The following FRMD3 variants were observed in gnomAD, a reference collection of about 807,000 sequenced individuals.
FRMD3 encodes FERM domain-containing protein 3.
FRMD3 carries 33 observed loss-of-function variants against 70.2 expected under a neutral mutation model. The observed-to-expected ratio is 0.47, with a 90% CI of 0.36 to 0.63. The LOEUF is 0.63. Among genes scored for constraint, FRMD3 ranks in the 20% least tolerant of loss-of-function variants. The pLI is 0.00. For synonymous variants in FRMD3, 279 were observed against 255.9 expected (o/e 1.09, Z -0.86); for missense variants, 632 against 711.4 (o/e 0.89, Z 1.27).
At position 83,538,073 on chromosome 9, in the gene FRMD3, T is replaced by C; in HGVS notation, c.147+12A>G. 1.2e-6 allele frequency: 2 copies of C among 1,611,048 alleles called. No homozygotes were observed. The highest frequency in any genetic ancestry group is 1.7e-6 in the Non-Finnish European group (2 of 1,177,968). On this transcript the variant is annotated intron_variant, in intron 1 of 13. Coordinates refer to ENST00000304195, the MANE Select transcript of FRMD3 (RefSeq NM_174938.6). This position sits in a 1 kb window ranked among gnomAD's most constrained non-coding sequence, Gnocchi z 4.7. The stretch of plus-strand genomic sequence containing the variant: ...GCGTGTGCCCCGCGCCCTCGCCCGG[T>C]TCCACGCGCACCTGGATGTGGCAGG...
chr9:83,260,619 C>T (rs372808706), intron 13 of FRMD3, among the ~76,000 whole-genome samples: 9 of 152,138 alleles, frequency 5.9e-5, no homozygotes, highest in African/African-American at 2.2e-4. Context: ...TATAAGTAAG[C>T]TCTCCTGTGA....
At chr9:83,331,362 T>A (rs1488254452) in intron 6 of FRMD3, among the ~76,000 whole-genome samples, 2 of 152,180 alleles carry the variant, frequency 1.3e-5, no homozygotes, top group Non-Finnish European at 2.9e-5. Context: ...AGACTACACA[T>A]TGTATGATTC....
chr9:83,515,409 C>T (rs1456366136), intron 1 of FRMD3, among the ~76,000 whole-genome samples: 1 of 151,774 alleles, frequency 6.6e-6, no homozygotes, highest in East Asian at 1.9e-4. Flanking sequence ...AGCATGAAGA[C>T]AAGATTAGAG....
At chr9:83,270,843 A>ATTTT (rs36067089) in intron 13 of FRMD3, among the ~76,000 whole-genome samples, 8 of 143,730 alleles carry the variant, frequency 5.6e-5, no homozygotes, top group Non-Finnish European at 9.2e-5. Flanking sequence ...ATACATGGTC[A>ATTTT]TTTTTTTTTT....
chr9:83,415,106 AG>A (rs1471642662), intron 1 of FRMD3, among the ~76,000 whole-genome samples: 2 of 152,172 alleles, frequency 1.3e-5, no homozygotes, highest in Non-Finnish European at 2.9e-5. Flanking sequence ...TCACTGGGCC[AG>A]GAATAAAATC....
chr9:83,246,662 C>T lies in FRMD3; in HGVS notation c.*1256G>A, dbSNP rs1003531788. 1.3e-5 allele frequency: 13 copies of T among 970,870 alleles called. No homozygotes were observed. The highest frequency in any genetic ancestry group is 1.5e-5 in the Non-Finnish European group (12 of 826,938). 60.1% of individuals were successfully genotyped at this position (970,870 alleles called of 1,614,324 possible). A position where few individuals can be genotyped will look rare whatever the true frequency, so the allele number is the denominator to read the frequency against. On this transcript the variant is annotated 3_prime_UTR_variant, in exon 14 of 14. Transcript: ENST00000304195. ...TCATATTCTCTCTCTCTCTCTCTCT[C>T]TCTCTCTCACACACACACACACGCA...
the FRMD3 span, among the ~76,000 whole-genome samples, chr9:83,577,473 A>G: frequency 1.3e-5 from 2 of 152,048 alleles, no homozygotes; most frequent in Non-Finnish European, 2.9e-5. Context: ...GGTCTTTTTA[A>G]CTAACAGTGC....
At chr9:83,440,708 C>A (rs1294916064) in intron 1 of FRMD3, among the ~76,000 whole-genome samples, 2 of 152,258 alleles carry the variant, frequency 1.3e-5, no homozygotes, top group Non-Finnish European at 2.9e-5. Flanking sequence ...GGATTCCAAT[C>A]TGAGCCTTGT....
intron 1 of FRMD3, among the ~76,000 whole-genome samples, chr9:83,434,374 G>A (rs1256827930): frequency 3.9e-5 from 6 of 152,190 alleles, no homozygotes; most frequent in Admixed American, 3.9e-4. Flanking sequence ...TCCTGGTTGT[G>A]TCACCTGGGA....
chr9:83,389,101 C>T (rs928557372), intron 2 of FRMD3, among the ~76,000 whole-genome samples: 12 of 152,032 alleles, frequency 7.9e-5, no homozygotes, highest in Non-Finnish European at 5.9e-5. Flanking sequence ...GCACATGCCA[C>T]CATGCCCAGC....
At chr9:83,353,920 AT>A (rs1824248359) in intron 3 of FRMD3, among the ~76,000 whole-genome samples, 1 of 149,924 alleles carries the variant, frequency 6.7e-6, no homozygotes, top group Non-Finnish European at 1.5e-5. Context: ...ACAGACAAAA[AT>A]TTTGTCTTTT....
At chr9:83,305,195 A>T (rs1835081110) in intron 10 of FRMD3, among the ~76,000 whole-genome samples, 1 of 152,198 alleles carries the variant, frequency 6.6e-6, no homozygotes, top group Non-Finnish European at 1.5e-5. Context: ...ACCTCTGCCC[A>T]GGGAAGGGTG....
At chr9:83,409,402 C>G (rs1242822508) in intron 1 of FRMD3, among the ~76,000 whole-genome samples, 2 of 152,196 alleles carry the variant, frequency 1.3e-5, no homozygotes, top group Non-Finnish European at 2.9e-5. Flanking sequence ...AGATGAGGCT[C>G]TCTGCCTTGT....
At chr9:83,267,507 A>G (rs1587649821) in intron 13 of FRMD3, among the ~76,000 whole-genome samples, 1 of 152,184 alleles carries the variant, frequency 6.6e-6, no homozygotes, top group East Asian at 1.9e-4. Context: ...CATAATGGAG[A>G]AATAACCCAC....
intron 1 of FRMD3, among the ~76,000 whole-genome samples, chr9:83,437,224 T>G (rs1227397459): frequency 6.6e-6 from 1 of 152,202 alleles, no homozygotes; most frequent in Non-Finnish European, 1.5e-5. Context: ...TGTAAAAGAT[T>G]GGTAAGTTGC....
chr9:83,364,790 T>C (rs1824735550), intron 3 of FRMD3, among the ~76,000 whole-genome samples: 1 of 152,218 alleles, frequency 6.6e-6, no homozygotes, highest in African/African-American at 2.4e-5. Flanking sequence ...ATCCTGTGAA[T>C]TGTGTGAGCG....
At chr9:83,423,688 C>A (rs1199949091) in intron 1 of FRMD3, among the ~76,000 whole-genome samples, 1 of 144,492 alleles carries the variant, frequency 6.9e-6, no homozygotes, top group African/African-American at 2.6e-5. Flanking sequence ...CCTCCGTCTG[C>A]CAGGTTCAAG....
At chr9:83,482,348 G>C (rs1564098287) in intron 1 of FRMD3, among the ~76,000 whole-genome samples, 1 of 152,336 alleles carries the variant, frequency 6.6e-6, no homozygotes, top group East Asian at 1.9e-4. Flanking sequence ...TGGTACTCTA[G>C]TCTGTCTGTC....
At chr9:83,394,324 ACTAGGAT>A (rs1465759737) in intron 1 of FRMD3, among the ~76,000 whole-genome samples, 1 of 152,146 alleles carries the variant, frequency 6.6e-6, no homozygotes, top group African/African-American at 2.4e-5. Context: ...GATATGGCAA[ACTAGGAT>A]CTATTTCAAA....
Sources: allele counts gnomAD v4.1 joint callset (sites outside exome capture counted in the v4.1 genomes callset), GRCh38; gene constraint gnomAD v4.1.1; non-coding constraint Gnocchi (gnomAD v3.1); transcripts MANE v1.5; gene names NCBI Gene and HGNC (gene_info 2026-07-23, HGNC 2026-07-21).